ATP8B4: variants seen among roughly 807,000 people sequenced by gnomAD.
The protein encoded by ATP8B4 is probable phospholipid-transporting ATPase IM.
A neutral mutation model predicts 145.6 loss-of-function variants in ATP8B4; 133 were observed. The observed-to-expected ratio is 0.91, with a 90% CI of 0.79 to 1.05. The LOEUF is 1.05. Among genes scored for constraint, ATP8B4 ranks in the 50% least tolerant of loss-of-function variants. The pLI is 0.00. For missense variants in ATP8B4, 1,458 were observed against 1,425.2 expected (o/e 1.02, Z -0.37); for synonymous variants, 507 against 492.9 (o/e 1.03, Z -0.38).
chr15:50,024,267 A>G (rs1289135435), intron 6 of ATP8B4, among the ~76,000 whole-genome samples: 1 of 152,114 alleles, frequency 6.6e-6, no homozygotes, highest in Non-Finnish European at 1.5e-5. Flanking sequence ...TCCAACAGAT[A>G]CTTAATAACT....
chr15:50,104,285 T>C (rs894254077), intron 2 of ATP8B4, among the ~76,000 whole-genome samples: 3 of 151,116 alleles, frequency 2.0e-5, no homozygotes, highest in Non-Finnish European at 3.0e-5. Context: ...AATCAGCCAA[T>C]AGACAACCCA....
chr15:50,047,379 G>A lies in ATP8B4; in HGVS notation c.173C>T (p.Ala58Val), dbSNP rs2051805875. ...LFEQFQRVAN[A>V]YFLCLLILQL... Reference sequence around the variant, plus strand: ...TAAAATCAGAAGGCAAAGAAAATAGGCATTTGCCACTCTTTGGAACTGTTC... The same window carrying A: ...TAAAATCAGAAGGCAAAGAAAATAGACATTTGCCACTCTTTGGAACTGTTC... Residue 58 changes from alanine to valine, a missense_variant, in exon 4 of 28, where the codon GCC becomes GTC. Ala to Val is a moderately conservative substitution (Grantham distance 64, BLOSUM62 0). Coordinates refer to ENST00000284509, the MANE Select transcript of ATP8B4 (RefSeq NM_024837.4). 4 of 1,586,096 alleles carry A rather than the reference G, an allele frequency of 2.5e-6. No homozygotes were observed. In the East Asian group the frequency reaches 9.0e-5, roughly 36 times the overall value.
chr15:50,025,386 C>T (rs551167859), intron 6 of ATP8B4, among the ~76,000 whole-genome samples: 76 of 152,276 alleles, frequency 5.0e-4, no homozygotes, highest in African/African-American at 1.7e-3. Context: ...CCCTGTCTGC[C>T]CCTGCTCTTC....
intron 2 of ATP8B4, among the ~76,000 whole-genome samples, 188 bp downstream of exon 2, chr15:50,106,751 G>T (rs1342401059): frequency 1.3e-5 from 2 of 152,166 alleles, no homozygotes; most frequent in Non-Finnish European, 2.9e-5. Flanking sequence ...TGGGGTGATA[G>T]AAATCAATGT....
intron 9 of ATP8B4, among the ~76,000 whole-genome samples, chr15:49,992,032 G>A (rs180743102): frequency 6.6e-6 from 1 of 152,204 alleles, no homozygotes; most frequent in East Asian, 1.9e-4. Context: ...AATAGGCTTT[G>A]CCAGAAGTCC....
At chr15:49,891,313 C>A in intron 23 of ATP8B4, among the ~76,000 whole-genome samples, 1 of 151,190 alleles carries the variant, frequency 6.6e-6, no homozygotes, top group East Asian at 1.9e-4. Flanking sequence ...CCTTTAAATA[C>A]AAGTTTGTTT....
chr15:50,002,939 T>A lies in ATP8B4; in HGVS notation c.436-716A>T, dbSNP rs549763030. On this transcript the variant is annotated intron_variant, in intron 7 of 27. Coordinates refer to ENST00000284509, the MANE Select transcript of ATP8B4 (RefSeq NM_024837.4). ...CTATCACAATTCAGTTTTAGCATCC[T>A]GGTAGCTCTCTAAATTGGCAAAGTG... 1.5e-4 allele frequency among the ~76,000 whole-genome samples: 23 copies of A among 152,324 alleles called. No individual in the cohort carries two copies. The South Asian group carries it at 4.6e-3, about 30-fold the overall frequency.
chr15:50,175,485 C>T (rs894885039), intron 1 of ATP8B4, among the ~76,000 whole-genome samples: 2 of 151,966 alleles, frequency 1.3e-5, no homozygotes, highest in Non-Finnish European at 2.9e-5. Flanking sequence ...AACTAACCAA[C>T]GAATCTAATC....
At chr15:50,018,405 T>A (rs768930834) in intron 6 of ATP8B4, among the ~76,000 whole-genome samples, 12 of 152,298 alleles carry the variant, frequency 7.9e-5, no homozygotes, top group Non-Finnish European at 1.6e-4. Context: ...CCATGCTGAG[T>A]GTCAGAGCTG....
chr15:50,104,120 A>G (rs2056535062), intron 2 of ATP8B4, among the ~76,000 whole-genome samples: 1 of 152,230 alleles, frequency 6.6e-6, no homozygotes, highest in Non-Finnish European at 1.5e-5. Context: ...AACTGAAACT[A>G]TAAAAATTAT....
chr15:50,115,207 C>T (rs945017815), intron 1 of ATP8B4, among the ~76,000 whole-genome samples: 1 of 152,064 alleles, frequency 6.6e-6, no homozygotes, highest in African/African-American at 2.4e-5. Context: ...CATGGTGGCT[C>T]ATGCCTCCAG....
intron 17 of ATP8B4, 99 bp from the exon 18 acceptor site, chr15:49,920,509 C>T: frequency 1.5e-6 from 2 of 1,329,094 alleles, no homozygotes; most frequent in African/African-American, 3.0e-5. Context: ...CACTCAAATT[C>T]ATTTTGTACC....
intron 2 of ATP8B4, among the ~76,000 whole-genome samples, chr15:50,103,006 C>T (rs2056463870): frequency 6.6e-6 from 1 of 152,104 alleles, no homozygotes; most frequent in South Asian, 2.1e-4. Context: ...ATGATCATCT[C>T]AATAGATGCA....
intron 1 of ATP8B4, among the ~76,000 whole-genome samples, chr15:50,133,503 A>T (rs2044077785): frequency 6.6e-6 from 1 of 152,072 alleles, no homozygotes; most frequent in South Asian, 2.1e-4. Flanking sequence ...TACTCAGGTG[A>T]ATCACCTGAG....
Position 49,859,902 on chromosome 15 carries a change from A to G in ATP8B4, c.*292T>C, listed in dbSNP as rs910990451. On this transcript the variant is annotated 3_prime_UTR_variant, in exon 28 of 28. Coordinates refer to ENST00000284509, the MANE Select transcript of ATP8B4 (RefSeq NM_024837.4). ...AGTTTTTCTCCATAAATAAGATTCT[A>G]AAGTTCAGGTCAATTGGTATCTAGG... The G allele has an allele frequency of 3.0e-6, 1 of 330,044 alleles. No individual in the cohort carries two copies. Among genetic ancestry groups the G allele is most frequent in the Non-Finnish European group, 5.5e-6 (1 of 182,946 alleles). The allele number at this position is 330,044 out of a possible 1,614,324, so 20.4% of individuals were successfully genotyped here.
chr15:50,030,593 C>T (rs141048340), intron 6 of ATP8B4, among the ~76,000 whole-genome samples: 37 of 152,258 alleles, frequency 2.4e-4, no homozygotes, highest in African/African-American at 8.9e-4. Context: ...ATGTTGCTGG[C>T]TAAGGAGTGT....
At chr15:50,085,596 A>G (rs2054851336) in intron 2 of ATP8B4, among the ~76,000 whole-genome samples, 1 of 151,994 alleles carries the variant, frequency 6.6e-6, no homozygotes, top group Admixed American at 6.6e-5. Flanking sequence ...GGATTGTGGA[A>G]GAGACTGGAG....
intron 12 of ATP8B4, among the ~76,000 whole-genome samples, chr15:49,973,870 C>T (rs2045413082): frequency 6.6e-6 from 1 of 152,152 alleles, no homozygotes; most frequent in Non-Finnish European, 1.5e-5. Context: ...CCACTGTTCA[C>T]TGCATTTCTT....
At chr15:50,031,810 C>G (rs148733715) in intron 6 of ATP8B4, among the ~76,000 whole-genome samples, 3 of 152,090 alleles carry the variant, frequency 2.0e-5, no homozygotes, top group Non-Finnish European at 4.4e-5. Context: ...AAGGTGGGAA[C>G]AGGTCCTTCC....
Sources: gnomAD v4.1 joint callset for allele counts (sites outside exome capture counted in the v4.1 genomes callset) on GRCh38, gnomAD v4.1.1 for gene constraint, MANE v1.5 for transcripts, NCBI Gene and HGNC (gene_info 2026-07-23, HGNC 2026-07-21) for gene names.